MEGF6: variants seen among roughly 807,000 people sequenced by gnomAD.
MEGF6 encodes multiple EGF like domains 6.
In MEGF6, 184 loss-of-function variants were observed where a neutral mutation model predicts 207.1. That is an observed-to-expected ratio of 0.89 (90% CI 0.79 to 1.00). MEGF6 has a LOEUF of 1.00. Ranked by LOEUF, MEGF6 falls within the 50% of genes least tolerant of loss-of-function variation. MEGF6 has a pLI of 0.00. For synonymous variants in MEGF6, 1,038 were observed against 910.0 expected (o/e 1.14, Z -2.53); for missense variants, 2,282 against 2,202.9 (o/e 1.04, Z -0.72).
intron 4 of MEGF6, among the ~76,000 whole-genome samples, chr1:3,548,952 C>A (rs116241995): frequency 6.6e-6 from 1 of 152,198 alleles, no homozygotes; most frequent in Non-Finnish European, 1.5e-5. Flanking sequence ...GGACAGCCAC[C>A]GCTGCCTGGT....
At chr1:3,616,778 G>A in the MEGF6 span, among the ~76,000 whole-genome samples, 5 of 152,250 alleles carry the variant, frequency 3.3e-5, no homozygotes, top group Non-Finnish European at 7.3e-5. Context: ...GCTGTGTGAT[G>A]TGGCCCCAAG....
At chr1:3,552,873 A>G (rs1642928657) in intron 4 of MEGF6, among the ~76,000 whole-genome samples, 1 of 151,444 alleles carries the variant, frequency 6.6e-6, no homozygotes, top group Non-Finnish European at 1.5e-5. Flanking sequence ...CCCACCAGGT[A>G]AGCCTGCTGC....
Position 3,497,260 on chromosome 1 carries a change from C to G in MEGF6, c.3454G>C (p.Gly1152Arg). Residue 1152 changes from glycine to arginine, a missense_variant, in exon 27 of 37, where the codon GGC becomes CGC. Transcript: ENST00000356575. ...TGCTCGCAGCCGGAGCCAGTGAAGC[C>G]AGGGGGACAGCGGCAGGCCCCAGTG... ...HVTGACRCPP[G>R]FTGSGCEQAC... The G allele has an allele frequency of 6.5e-7, 1 of 1,543,058 alleles. No homozygotes were observed. Among genetic ancestry groups the G allele is most frequent in the South Asian group, 1.2e-5 (1 of 80,606 alleles).
chr1:3,595,777 C>T (rs2794327), intron 2 of MEGF6, among the ~76,000 whole-genome samples: 93,032 of 151,926 alleles, frequency 0.61, 28,713 homozygotes, highest in Admixed American at 0.66. Flanking sequence ...TTGGGACGCA[C>T]ATCTCACCGC....
intron 3 of MEGF6, among the ~76,000 whole-genome samples, chr1:3,589,145 C>T (rs964911579): frequency 3.9e-5 from 6 of 152,128 alleles, no homozygotes; most frequent in East Asian, 1.9e-4. Context: ...CATGTAGAGA[C>T]GGAGGCAGAG....
intron 3 of MEGF6, among the ~76,000 whole-genome samples, chr1:3,593,524 A>C (rs1644013456): frequency 6.7e-6 from 1 of 148,478 alleles, no homozygotes; most frequent in South Asian, 2.2e-4. Flanking sequence ...CCTGGGAACA[A>C]AAAGCCCGCT....
At chr1:3,493,569 G>C in intron 34 of MEGF6, 1 of 700,396 alleles carries the variant, frequency 1.4e-6, no homozygotes, top group Non-Finnish European at 2.3e-6. Flanking sequence ...CTGGCCTAAG[G>C]CTCCAGCAGG....
intron 14 of MEGF6, 98 bp downstream of exon 14, chr1:3,507,697 G>A (rs1641166222): frequency 6.7e-7 from 1 of 1,503,170 alleles, no homozygotes; most frequent in Admixed American, 1.7e-5. Context: ...CTGCTCCAGT[G>A]GGAGGAAGGA....
chr1:3,512,015 G>A lies in MEGF6; in HGVS notation c.967C>T (p.Gln323Ter), dbSNP rs776305889. ...AGYELGADGR[Q>*]CYRIEMEIVN... ...CCGGCTGCCCACTCACGGTAGCACTGCCGGCCATCGGCGCCCAGCTCATAG... is the reference window on the plus strand; with the variant it reads ...CCGGCTGCCCACTCACGGTAGCACTACCGGCCATCGGCGCCCAGCTCATAG... Residue 323 changes from glutamine to a stop codon, truncating the protein, a stop_gained, in exon 8 of 37, where the codon CAG becomes TAG. Coordinates refer to ENST00000356575, the MANE Select transcript of MEGF6 (RefSeq NM_001409.4). LOFTEE classifies it high-confidence loss of function. 6.2e-7 allele frequency: 1 copy of A among 1,612,350 alleles called. No homozygotes were observed. Among genetic ancestry groups the A allele is most frequent in the East Asian group, 2.2e-5 (1 of 44,874 alleles).
At chr1:3,600,909 C>A (rs1469764026) in intron 2 of MEGF6, among the ~76,000 whole-genome samples, 1 of 152,190 alleles carries the variant, frequency 6.6e-6, no homozygotes, top group Non-Finnish European at 1.5e-5. Context: ...GGACCTCGGC[C>A]CCTCCCCCAT....
chr1:3,509,127 G>T lies in MEGF6; in HGVS notation c.1476C>A (p.Ala492=). Residue 492 remains alanine, a synonymous_variant, in exon 12 of 37, where the codon GCC becomes GCA. Coordinates refer to ENST00000356575, the MANE Select transcript of MEGF6 (RefSeq NM_001409.4). The part of the protein sequence containing the change: ...PQLFQDDDVG[A]DEEEAELRGE... ...CCCGCAACTCTGCCTCTTCCTCATCGGCCCCGACGTCGTCATCCTGGAAGA... is the reference window on the plus strand; with the variant it reads ...CCCGCAACTCTGCCTCTTCCTCATCTGCCCCGACGTCGTCATCCTGGAAGA... 1 of 1,601,558 alleles carries T rather than the reference G, an allele frequency of 6.2e-7. No homozygotes were observed. The highest frequency in any genetic ancestry group is 1.1e-5 in the South Asian group (1 of 89,116).
intron 4 of MEGF6, among the ~76,000 whole-genome samples, chr1:3,528,146 C>T (rs1180272303): frequency 6.6e-6 from 1 of 152,244 alleles, no homozygotes; most frequent in Non-Finnish European, 1.5e-5. Flanking sequence ...CCCACTTGGA[C>T]GACAGAGGCC....
At position 3,496,656 on chromosome 1, in the gene MEGF6, G is replaced by T; in HGVS notation, c.3741C>A (p.Leu1247=). The change falls in exon 29 of 37, where the codon CTC becomes CTA. Residue 1247 remains leucine (L), a splice_region_variant and synonymous_variant. Transcript: ENST00000356575. The stretch of plus-strand genomic sequence containing the variant: ...GCACTGCTGCCACCAGCCACTCACT[G>T]AGGTTGCAGTCCGTCCCGAGGAACC... ...PTGFLGTDCN[L]TCPQGRFGPN... 1 of 1,576,246 alleles carries T rather than the reference G, an allele frequency of 6.3e-7. No homozygotes were observed. Among genetic ancestry groups the T allele is most frequent in the East Asian group, 2.4e-5 (1 of 42,286 alleles).
intron 2 of MEGF6, among the ~76,000 whole-genome samples, chr1:3,601,498 G>A (rs930265683): frequency 1.3e-5 from 2 of 152,192 alleles, no homozygotes; most frequent in African/African-American, 4.8e-5. Context: ...TGGGGGCTCA[G>A]GATCCCTGAA....
chr1:3,526,397 TA>T (rs1407288991), intron 4 of MEGF6, among the ~76,000 whole-genome samples: 2 of 125,542 alleles, frequency 1.6e-5, no homozygotes, highest in African/African-American at 5.7e-5. Flanking sequence ...AGGTGACACC[TA>T]TTTTTTTTTT....
In MEGF6 at chr1:3,498,754, G is replaced by T. The variant is rs750578450; in HGVS notation, c.3167C>A (p.Pro1056His). 1.3e-6 allele frequency: 2 copies of T among 1,561,834 alleles called. No individual in the cohort carries two copies. The highest frequency in any genetic ancestry group is 2.4e-5 in the East Asian group (1 of 41,980). ...CLCQNGGTCD[P>H]VSGHCACPEG... ...TGGGCACGCACAGTGGCCTGAGACA[G>T]GGTCACAGGTCCCTCCGTTCTGGCA... Residue 1056 changes from proline to histidine, a missense_variant, in exon 25 of 37, where the codon CCT becomes CAT. By Grantham distance (77) the Pro-to-His change is moderately conservative. Coordinates refer to ENST00000356575, the MANE Select transcript of MEGF6 (RefSeq NM_001409.4).
rs1168361225 is a variant in MEGF6, at chr1:3,601,392, A to T, written c.266+1074T>A. 2.0e-5 allele frequency among the ~76,000 whole-genome samples: 3 copies of T among 152,260 alleles called. No individual in the cohort carries two copies. In the East Asian group the frequency reaches 5.8e-4, roughly 29 times the overall value. ...TCCACGCATGGGTGACAGTCAGGAC[A>T]GACTGCAAGCTGCTATTTTGGGGAA... On this transcript the variant is annotated intron_variant, in intron 2 of 36. Coordinates refer to ENST00000356575, the MANE Select transcript of MEGF6 (RefSeq NM_001409.4).
At chr1:3,562,595 T>C (rs988694604) in intron 4 of MEGF6, among the ~76,000 whole-genome samples, 1 of 152,220 alleles carries the variant, frequency 6.6e-6, no homozygotes, top group Non-Finnish European at 1.5e-5. Context: ...AATAAGAATC[T>C]GGGGCTCAGC....
intron 24 of MEGF6, 86 bp from the exon 25 acceptor site, chr1:3,498,912 C>G: frequency 6.6e-7 from 1 of 1,506,852 alleles, no homozygotes; most frequent in Non-Finnish European, 8.9e-7. Context: ...CCATGTTGGA[C>G]TTTGGGGTCA....
Sources: allele counts gnomAD v4.1 joint callset (sites outside exome capture counted in the v4.1 genomes callset), GRCh38; gene constraint gnomAD v4.1.1; transcripts MANE v1.5; gene names NCBI Gene and HGNC (gene_info 2026-07-23, HGNC 2026-07-21).